TCF4: variants seen among roughly 807,000 people sequenced by gnomAD.
TCF4 encodes the protein transcription factor 4.
In TCF4, 3 loss-of-function variants were observed where a neutral mutation model predicts 82.1. The ratio of observed to expected loss-of-function variants is 0.04; its 90% CI spans 0.02 to 0.09. TCF4 has a LOEUF of 0.09. Among genes scored for constraint, TCF4 ranks in the 10% least tolerant of loss-of-function variants. TCF4 has a pLI of 1.00. For synonymous variants in TCF4, 276 were observed against 309.6 expected, an observed-to-expected ratio of 0.89 and a Z score of 1.14; for missense variants, 518 against 852.7, an observed-to-expected ratio of 0.61 and a Z score of 4.89.
chr18:55,487,790 T>C (rs1454467911), intron 3 of TCF4, among the ~76,000 whole-genome samples: 1 of 152,124 alleles, frequency 6.6e-6, no homozygotes, highest in Admixed American at 6.5e-5. Flanking sequence ...TTATTACCCC[T>C]TTAAAATGTA....
chr18:55,547,590 A>G (rs1017311699), intron 3 of TCF4, among the ~76,000 whole-genome samples: 2 of 152,220 alleles, frequency 1.3e-5, no homozygotes, highest in Non-Finnish European at 2.9e-5. Flanking sequence ...AAATAAGTCA[A>G]TAAATAAACA....
intron 10 of TCF4, among the ~76,000 whole-genome samples, chr18:55,274,794 A>G (rs867221255): frequency 3.9e-5 from 6 of 152,290 alleles, no homozygotes; most frequent in South Asian, 2.1e-4. Flanking sequence ...ATCTCACTCA[A>G]GATCTAGGCT....
chr18:55,245,689 C>A (rs73957089), intron 15 of TCF4, among the ~76,000 whole-genome samples: 12 of 152,256 alleles, frequency 7.9e-5, no homozygotes, highest in Non-Finnish European at 1.5e-4. Flanking sequence ...GGCTCTGAAA[C>A]GCCTTTTCTA....
chr18:55,280,152 A>G (rs995728512), intron 8 of TCF4, among the ~76,000 whole-genome samples: 5 of 152,224 alleles, frequency 3.3e-5, no homozygotes, highest in African/African-American at 9.6e-5. Context: ...TCCAAACCAC[A>G]GAAAGTGATA....
chr18:55,422,359 T>C, intron 5 of TCF4: 1 of 985,280 alleles, frequency 1.0e-6, no homozygotes, highest in Non-Finnish European at 1.2e-6. Flanking sequence ...TTTTACTATG[T>C]ACATTTAAAT....
intron 8 of TCF4, among the ~76,000 whole-genome samples, chr18:55,324,690 C>T (rs1238487983): frequency 6.6e-6 from 1 of 152,056 alleles, no homozygotes; most frequent in African/African-American, 2.4e-5. Context: ...CCCCCACCCC[C>T]CATGCCCAGC....
At chr18:55,466,728 A>T (rs1211448051) in intron 3 of TCF4, among the ~76,000 whole-genome samples, 4 of 152,192 alleles carry the variant, frequency 2.6e-5, no homozygotes, top group Non-Finnish European at 5.9e-5. Context: ...TGTCCACAGA[A>T]AAAAGGAAAA....
chr18:55,374,639 A>G (rs1389745948), intron 6 of TCF4, among the ~76,000 whole-genome samples: 4 of 152,034 alleles, frequency 2.6e-5, no homozygotes, highest in African/African-American at 9.7e-5. Context: ...GGTGGCTCAC[A>G]TTTGTAATCC....
At chr18:55,353,435 T>C (rs1263963430) in intron 6 of TCF4, among the ~76,000 whole-genome samples, 2 of 152,174 alleles carry the variant, frequency 1.3e-5, no homozygotes, top group Non-Finnish European at 2.9e-5. Context: ...TAATCTTTAT[T>C]TTTTTCACAA....
intron 8 of TCF4, among the ~76,000 whole-genome samples, chr18:55,336,204 T>G (rs1198214219): frequency 6.6e-6 from 1 of 152,130 alleles, no homozygotes; most frequent in African/African-American, 2.4e-5. Flanking sequence ...CATGATACAT[T>G]AAATGCATTT....
intron 8 of TCF4, among the ~76,000 whole-genome samples, chr18:55,349,698 TATC>T (rs2081945326): frequency 6.6e-6 from 1 of 151,982 alleles, no homozygotes; most frequent in Non-Finnish European, 1.5e-5. Flanking sequence ...CAAAATATGA[TATC>T]ATGTATTGAG....
At chr18:55,509,334 GACAC>G (rs35790117) in intron 3 of TCF4, among the ~76,000 whole-genome samples, 5 of 150,160 alleles carry the variant, frequency 3.3e-5, no homozygotes, top group Admixed American at 6.6e-5. Context: ...CACACAGACA[GACAC>G]ACACACACAC....
intron 2 of TCF4, chr18:55,631,208 C>T: frequency 1.8e-6 from 1 of 557,664 alleles, no homozygotes. Flanking sequence ...TGCCACCATA[C>T]CCAGCTAATT....
intron 8 of TCF4, among the ~76,000 whole-genome samples, chr18:55,330,225 G>A (rs2077293623): frequency 7.0e-6 from 1 of 143,804 alleles, no homozygotes; most frequent in Non-Finnish European, 1.5e-5. Context: ...TCTGTTGCCA[G>A]GCTGGAGTGC....
chr18:55,502,727 C>T (rs1568247762), intron 3 of TCF4, among the ~76,000 whole-genome samples: 2 of 152,090 alleles, frequency 1.3e-5, no homozygotes, highest in Non-Finnish European at 2.9e-5. Flanking sequence ...CAAAGGAGAA[C>T]TGATTTTCAC....
At chr18:55,457,916 C>T (rs2095797616) in intron 5 of TCF4, among the ~76,000 whole-genome samples, 1 of 152,088 alleles carries the variant, frequency 6.6e-6, no homozygotes, top group African/African-American at 2.4e-5. Flanking sequence ...CTAGCAATGC[C>T]TGTTATCATT....
intron 3 of TCF4, among the ~76,000 whole-genome samples, chr18:55,576,469 A>G (rs1453614049): frequency 1.3e-5 from 2 of 152,154 alleles, no homozygotes; most frequent in East Asian, 3.9e-4. Flanking sequence ...TTGCCTGGAA[A>G]TCATCCCATG....
chr18:55,442,466 T>C (rs1194487452), intron 5 of TCF4, among the ~76,000 whole-genome samples: 1 of 151,110 alleles, frequency 6.6e-6, no homozygotes, highest in African/African-American at 2.4e-5. Flanking sequence ...AATATAACTT[T>C]ATTTTATTTT....
At chr18:55,626,769 C>T (rs949135277) in intron 2 of TCF4, among the ~76,000 whole-genome samples, 48 of 152,246 alleles carry the variant, frequency 3.2e-4, no homozygotes, top group African/African-American at 1.1e-3. Flanking sequence ...TGTCTTTCCA[C>T]TTAAAGGCAA....
Sources: allele counts gnomAD v4.1 joint callset (sites outside exome capture counted in the v4.1 genomes callset), GRCh38; gene constraint gnomAD v4.1.1; transcripts MANE v1.5; gene names NCBI Gene and HGNC (gene_info 2026-07-23, HGNC 2026-07-21).